ENOX1: variants seen among roughly 807,000 people sequenced by gnomAD.
ENOX1 encodes the protein ecto-NOX disulfide-thiol exchanger 1.
A neutral mutation model predicts 82.5 loss-of-function variants in ENOX1; 42 were observed. The ratio of observed to expected loss-of-function variants is 0.51; its 90% CI spans 0.40 to 0.66. The LOEUF (loss-of-function observed/expected upper bound fraction) is 0.66, where lower values mean the gene tolerates loss of function less well. ENOX1 is among the 30% of genes least tolerant of loss of function. The pLI is 0.00. For missense variants in ENOX1, 608 were observed against 811.6 expected, an observed-to-expected ratio of 0.75 and a Z score of 3.05; for synonymous variants, 271 against 282.2, an observed-to-expected ratio of 0.96 and a Z score of 0.40.
chr13:43,488,362 C>T (rs2076505788), intron 2 of ENOX1, among the ~76,000 whole-genome samples: 1 of 152,208 alleles, frequency 6.6e-6, no homozygotes, highest in Non-Finnish European at 1.5e-5. Flanking sequence ...GAGAAACCAT[C>T]TTGGAAGTGG....
chr13:43,598,290 T>G (rs1057509979), intron 2 of ENOX1, among the ~76,000 whole-genome samples: 1 of 152,180 alleles, frequency 6.6e-6, no homozygotes. Flanking sequence ...ATATGCTGCA[T>G]GAAGCAGAGT....
chr13:43,353,599 A>G (rs567985841), intron 8 of ENOX1, among the ~76,000 whole-genome samples: 2 of 152,336 alleles, frequency 1.3e-5, no homozygotes, highest in Non-Finnish European at 2.9e-5. Flanking sequence ...TATAAGGAGC[A>G]TGGAGTGGAT....
At chr13:43,395,802 A>G (rs1441366220) in intron 5 of ENOX1, among the ~76,000 whole-genome samples, 2 of 152,350 alleles carry the variant, frequency 1.3e-5, no homozygotes, top group East Asian at 3.9e-4. Context: ...CATTCAAAGA[A>G]GCCCATGCCA....
rs541697085 is a variant in ENOX1, at chr13:43,754,784, C to T, written c.-285+31868G>A. ...ATTTTTTGTCACTATGTTGCCGAGT[C>T]TAGTTTCAAACTCCTGGTCTCAAGT... On this transcript the variant is annotated intron_variant, in intron 1 of 16. Coordinates refer to ENST00000690772, the MANE Select transcript of ENOX1 (RefSeq NM_001347969.2). Among the ~76,000 whole-genome samples, 224 of 152,138 alleles carry T rather than the reference C, an allele frequency of 1.5e-3. 1 individual carries two copies. Among genetic ancestry groups the T allele is most frequent in the Admixed American group, 2.9e-3 (44 of 15,284 alleles).
intron 2 of ENOX1, among the ~76,000 whole-genome samples, chr13:43,613,067 T>A (rs1235290545): frequency 6.6e-6 from 1 of 152,186 alleles, no homozygotes; most frequent in Non-Finnish European, 1.5e-5. Context: ...ACGTTGTACA[T>A]GATAAACACA....
intron 12 of ENOX1, among the ~76,000 whole-genome samples, chr13:43,292,828 G>C (rs981383611): frequency 1.3e-5 from 2 of 151,092 alleles, no homozygotes; most frequent in Non-Finnish European, 2.9e-5. Context: ...CATCACCACA[G>C]CCAACATTAC....
At chr13:43,513,880 TC>T (rs1316693619) in intron 2 of ENOX1, among the ~76,000 whole-genome samples, 1 of 152,154 alleles carries the variant, frequency 6.6e-6, no homozygotes, top group African/African-American at 2.4e-5. Flanking sequence ...AATATAAGGA[TC>T]TCAAAACTAT....
intron 15 of ENOX1, among the ~76,000 whole-genome samples, chr13:43,225,382 A>T (rs1478313968): frequency 6.6e-6 from 1 of 152,220 alleles, no homozygotes; most frequent in Non-Finnish European, 1.5e-5. Context: ...GGCCTCTGTA[A>T]CAATCCTGCA....
chr13:43,693,738 T>C (rs1207228950), intron 1 of ENOX1, among the ~76,000 whole-genome samples: 1 of 152,206 alleles, frequency 6.6e-6, no homozygotes, highest in Non-Finnish European at 1.5e-5. Context: ...CAAGTTTATA[T>C]GCATGTTCTC....
intron 2 of ENOX1, among the ~76,000 whole-genome samples, chr13:43,606,922 C>T (rs983906819): frequency 1.3e-5 from 2 of 151,820 alleles, no homozygotes; most frequent in Non-Finnish European, 1.5e-5. Context: ...GGGGGAGTAC[C>T]GCTTGAGCCC....
At chr13:43,439,157 C>A (rs2153620703) in intron 3 of ENOX1, among the ~76,000 whole-genome samples, 1 of 150,288 alleles carries the variant, frequency 6.7e-6, no homozygotes, top group East Asian at 2.0e-4. Flanking sequence ...TCAAGCAATT[C>A]TCCTGCCTCA....
At position 43,269,461 on chromosome 13, in the gene ENOX1, T is replaced by C. The variant is rs1468049153; in HGVS notation, c.1554+9A>G. On this transcript the variant is annotated intron_variant, in intron 13 of 16. Transcript: ENST00000690772. ...TGATTCATAAATCAGAGCTGTTTCA[T>C]TCACTTACTTGTTCCTGCAGGACTT... 1 of 1,607,104 alleles carries C rather than the reference T, an allele frequency of 6.2e-7. No homozygotes were observed. The highest frequency in any genetic ancestry group is 1.1e-5 in the South Asian group (1 of 90,916).
intron 2 of ENOX1, among the ~76,000 whole-genome samples, chr13:43,506,243 C>G (rs143066282): frequency 1.3e-5 from 2 of 151,918 alleles, no homozygotes; most frequent in East Asian, 1.9e-4. Flanking sequence ...AAATGCTCAT[C>G]ATTACTGGCC....
chr13:43,602,214 GCA>G (rs1009922234), intron 2 of ENOX1, among the ~76,000 whole-genome samples: 39 of 151,456 alleles, frequency 2.6e-4, no homozygotes, highest in Non-Finnish European at 3.4e-4. Flanking sequence ...CAAAATACAT[GCA>G]CACACACACA....
intron 2 of ENOX1, among the ~76,000 whole-genome samples, chr13:43,500,458 C>T (rs1254434572): frequency 6.6e-6 from 1 of 151,928 alleles, no homozygotes; most frequent in Non-Finnish European, 1.5e-5. Flanking sequence ...AAAAAAGTTG[C>T]CATCTAGAAA....
At chr13:43,230,219 G>C (rs1036009920) in intron 15 of ENOX1, among the ~76,000 whole-genome samples, 7 of 152,214 alleles carry the variant, frequency 4.6e-5, no homozygotes, top group African/African-American at 1.7e-4. Flanking sequence ...CTGCCAGGTA[G>C]AGGGAGTTGA....
chr13:43,234,440 C>T (rs2042425481), intron 15 of ENOX1, among the ~76,000 whole-genome samples: 1 of 152,302 alleles, frequency 6.6e-6, no homozygotes, highest in South Asian at 2.1e-4. Flanking sequence ...ATTTTAATCA[C>T]TTAAGTCTCT....
intron 2 of ENOX1, among the ~76,000 whole-genome samples, chr13:43,611,976 T>C (rs1237591374): frequency 6.6e-6 from 1 of 152,222 alleles, no homozygotes; most frequent in Non-Finnish European, 1.5e-5. Context: ...TTTTCCCTTG[T>C]TGCAATTCAG....
At chr13:43,660,485 G>A (rs1240516059) in intron 2 of ENOX1, among the ~76,000 whole-genome samples, 5 of 152,142 alleles carry the variant, frequency 3.3e-5, no homozygotes, top group Non-Finnish European at 7.4e-5. Context: ...AGAGGAACAG[G>A]AAATAGAGAA....
Sources: allele counts gnomAD v4.1 joint callset (sites outside exome capture counted in the v4.1 genomes callset), GRCh38; gene constraint gnomAD v4.1.1; transcripts MANE v1.5; gene names NCBI Gene and HGNC (gene_info 2026-07-23, HGNC 2026-07-21).